CUBN: variants seen among roughly 807,000 people sequenced by gnomAD.
CUBN encodes the protein 460 kDa receptor.
Under a neutral mutation model 405.3 loss-of-function variants are expected in CUBN, and 282 were observed. The observed-to-expected ratio is 0.70, with a 90% CI of 0.63 to 0.77. CUBN has a LOEUF of 0.77. Among genes scored for constraint, CUBN ranks in the 30% least tolerant of loss-of-function variants. The probability of loss-of-function intolerance (pLI) is 0.00; values close to 1 mark genes in which losing one functional copy is unlikely to be tolerated. For missense variants in CUBN, 4,514 were observed against 4,475.2 expected (o/e 1.01, Z -0.25); for synonymous variants, 1,684 against 1,617.0 (o/e 1.04, Z -0.99).
chr10:17,005,152 G>A (rs1421808255), intron 28 of CUBN, among the ~76,000 whole-genome samples: 1 of 152,068 alleles, frequency 6.6e-6, no homozygotes, highest in South Asian at 2.1e-4. Flanking sequence ...TTCCCTGATG[G>A]CAGGATAAAA....
intron 31 of CUBN, among the ~76,000 whole-genome samples, chr10:16,959,016 G>T (rs143498936): frequency 6.6e-6 from 1 of 152,306 alleles, no homozygotes; most frequent in African/African-American, 2.4e-5. Context: ...CCAAGTGGCA[G>T]AAGTGCAGAA....
chr10:16,879,184 G>C (rs1840599751), intron 56 of CUBN, among the ~76,000 whole-genome samples: 1 of 152,194 alleles, frequency 6.6e-6, no homozygotes, highest in African/African-American at 2.4e-5. Context: ...TCTCACCAGG[G>C]ATGTGTGGGA....
At chr10:17,060,326 G>T (rs1835477719) in intron 22 of CUBN, among the ~76,000 whole-genome samples, 1 of 151,780 alleles carries the variant, frequency 6.6e-6, no homozygotes, top group African/African-American at 2.4e-5. Context: ...TCTCCATGTT[G>T]GTCAGGCTGG....
In CUBN at chr10:16,937,595, GAGCA is replaced by G; in HGVS notation, c.5919_5922del (p.Ala1974GlnfsTer8). On this transcript the variant is annotated frameshift_variant, in exon 39 of 67. Coordinates refer to ENST00000377833, the MANE Select transcript of CUBN (RefSeq NM_001081.4). LOFTEE classifies it high-confidence loss of function. ...CTTCATTTATTACCAAACACACCTG[GAGCA>G]ATGGTAGGTAAAACACCATCAGGTG... is the stretch of plus-strand genomic sequence containing the variant. 6.2e-7 allele frequency: 1 copy of G among 1,613,460 alleles called. No homozygotes were observed. Among genetic ancestry groups the G allele is most frequent in the Non-Finnish European group, 8.5e-7 (1 of 1,179,578 alleles).
At position 16,928,221 on chromosome 10, in the gene CUBN, C is replaced by G; in HGVS notation, c.6207G>C (p.Met2069Ile). Residue 2069 changes from methionine (M) to isoleucine (I), a missense_variant, in exon 41 of 67, where the codon ATG (methionine) becomes ATC (isoleucine). Transcript: ENST00000377833. ...PGPIRSTGEY[M>I]FIRFTSDSSV... ...TGGAGTCCGAGGTGAAGCGGATGAA[C>G]ATGTACTCTCCAGTAGACCGGATGG... 1 of 1,613,992 alleles carries G rather than the reference C, an allele frequency of 6.2e-7. No individual in the cohort carries two copies. Among genetic ancestry groups the G allele is most frequent in the Non-Finnish European group, 8.5e-7 (1 of 1,179,918 alleles).
In CUBN at chr10:17,085,786, C is replaced by A. The variant is rs766960410; in HGVS notation, c.1948-27G>T. On this transcript the variant is annotated intron_variant, in intron 15 of 66. Coordinates refer to ENST00000377833, the MANE Select transcript of CUBN (RefSeq NM_001081.4). ...TAAAACAAAAGGATGAATCATTAAGCTCAAAGTGGTCAGATTTTTAACAAA... is the reference window on the plus strand; with the variant it reads ...TAAAACAAAAGGATGAATCATTAAGATCAAAGTGGTCAGATTTTTAACAAA... The A allele has an allele frequency of 5.0e-6, 8 of 1,609,200 alleles. No individual in the cohort carries two copies. The South Asian group carries it at 7.7e-5, about 15-fold the overall frequency.
chr10:16,902,206 T>TTA (rs929111645), intron 51 of CUBN, among the ~76,000 whole-genome samples: 1 of 135,224 alleles, frequency 7.4e-6, no homozygotes, highest in Non-Finnish European at 1.5e-5. Flanking sequence ...GTATATATAT[T>TTA]TATATATATA....
intron 57 of CUBN, among the ~76,000 whole-genome samples, chr10:16,876,608 G>C (rs567801184): frequency 1.6e-4 from 24 of 151,602 alleles, no homozygotes; most frequent in African/African-American, 5.8e-4. Context: ...TGTAAGGTAA[G>C]AAAAACAAAA....
At chr10:16,928,532 C>CCTTTT (rs1403918589) in intron 40 of CUBN, among the ~76,000 whole-genome samples, 97 of 107,096 alleles carry the variant, frequency 9.1e-4, no homozygotes, top group Middle Eastern at 5.1e-3. Flanking sequence ...CCACCCCCCC[C>CCTTTT]TTTTTTTTTT....
At chr10:17,000,081 G>A (rs1833837141) in intron 28 of CUBN, among the ~76,000 whole-genome samples, 1 of 152,190 alleles carries the variant, frequency 6.6e-6, no homozygotes, top group Non-Finnish European at 1.5e-5. Flanking sequence ...AGCCAGCCTG[G>A]GTCCTTAGCT....
intron 13 of CUBN, among the ~76,000 whole-genome samples, chr10:17,101,679 G>A (rs1588642569): frequency 1.3e-5 from 2 of 152,240 alleles, no homozygotes; most frequent in East Asian, 1.9e-4. Flanking sequence ...TCGGGTATAA[G>A]AGCACTAAAA....
intron 3 of CUBN, 50 bp from the exon 4 acceptor site, chr10:17,126,849 A>T (rs1244622091): frequency 6.3e-7 from 1 of 1,585,690 alleles, no homozygotes; most frequent in Admixed American, 1.7e-5. Context: ...AAGGCATTGC[A>T]CATGTGATGT....
intron 34 of CUBN, among the ~76,000 whole-genome samples, chr10:16,949,548 C>G (rs912543384): frequency 6.6e-6 from 1 of 151,000 alleles, no homozygotes; most frequent in Non-Finnish European, 1.5e-5. Flanking sequence ...GGATGTCTAA[C>G]AAACAAAAAG....
chr10:16,925,812 C>A (rs1217898353), intron 41 of CUBN, 38 bp from the exon 42 acceptor site: 1 of 1,580,920 alleles, frequency 6.3e-7, no homozygotes, highest in Non-Finnish European at 8.7e-7. Context: ...ATTTAAATAG[C>A]ATTGGCAACT....
chr10:16,903,674 A>T (rs1417369464), intron 51 of CUBN, among the ~76,000 whole-genome samples: 1 of 147,790 alleles, frequency 6.8e-6, no homozygotes, highest in African/African-American at 2.4e-5. Context: ...TATTATTATT[A>T]ATTATTAAAT....
Position 17,068,150 on chromosome 10 carries a change from G to A in CUBN, c.2922C>T (p.Phe974=), listed in dbSNP as rs201802902. 760 of 1,613,496 alleles carry A rather than the reference G, an allele frequency of 4.7e-4. 5 individuals carry two copies. Among genetic ancestry groups the A allele is most frequent in the South Asian group, 4.5e-3 (414 of 91,048 alleles). ...VQPNHLIHLM[F]ETFHLEFHYN... is the part of the protein sequence containing the mutation. ...AATGAAACTCCAGATGAAATGTTTC[G>A]AACATTAAATGAATCAGGTGATTAG... The change falls in exon 21 of 67, where the codon TTC becomes TTT. Residue 974 remains phenylalanine (F), a synonymous_variant. Transcript: ENST00000377833.
chr10:17,030,784 T>C (rs1357906400), intron 27 of CUBN, among the ~76,000 whole-genome samples: 2 of 151,916 alleles, frequency 1.3e-5, no homozygotes, highest in Admixed American at 6.6e-5. Context: ...CCAGGTGTGG[T>C]GGTGGGTGCC....
rs879308596 is a variant in CUBN, at chr10:17,087,466, C to CTTTTTTTTTTT, written c.1947+697_1947+698insAAAAAAAAAAA. On this transcript the variant is annotated intron_variant, in intron 15 of 66. Coordinates refer to ENST00000377833, the MANE Select transcript of CUBN (RefSeq NM_001081.4). The stretch of plus-strand genomic sequence containing the variant: ...GTTCAACACAATCACTATTATTTTT[C>CTTTTTTTTTTT]TTTTTCTTTTTTTTTTTTTTTTTTT... Among the ~76,000 whole-genome samples the CTTTTTTTTTTT allele has an allele frequency of 4.3e-3, 343 of 79,678 alleles. 53 individuals carry two copies. Among genetic ancestry groups the CTTTTTTTTTTT allele is most frequent in the Non-Finnish European group, 6.1e-3 (266 of 43,554 alleles). The allele number at this position is 79,678 out of a possible 152,430, so 52.3% of individuals were successfully genotyped here.
chr10:16,983,522 G>C (rs1448536415), intron 30 of CUBN, among the ~76,000 whole-genome samples: 5 of 152,232 alleles, frequency 3.3e-5, no homozygotes, highest in African/African-American at 4.8e-5. Flanking sequence ...GTAAGGACTA[G>C]AGATAATCCT....
Sources: allele counts gnomAD v4.1 joint callset (sites outside exome capture counted in the v4.1 genomes callset), GRCh38; gene constraint gnomAD v4.1.1; transcripts MANE v1.5; gene names NCBI Gene and HGNC (gene_info 2026-07-23, HGNC 2026-07-21).